Variants in CADPS observed in about 807,000 individuals in gnomAD.
CADPS encodes the protein calcium-dependent secretion activator 1.
A neutral mutation model predicts 167.3 loss-of-function variants in CADPS; 57 were observed. That is an observed-to-expected ratio of 0.34 (90% CI 0.28 to 0.42). CADPS has a LOEUF of 0.42. Ranked by LOEUF, CADPS falls within the 20% of genes least tolerant of loss-of-function variation. The pLI is 1.00. For synonymous variants in CADPS, 676 were observed against 635.3 expected, an observed-to-expected ratio of 1.06 and a Z score of -0.96; for missense variants, 1,414 against 1,738.1, an observed-to-expected ratio of 0.81 and a Z score of 3.32.
intron 3 of CADPS, among the ~76,000 whole-genome samples, chr3:62,738,563 A>C (rs548058234): frequency 3.4e-4 from 52 of 152,116 alleles, no homozygotes; most frequent in African/African-American, 1.3e-3. Context: ...GTCTCTACTA[A>C]AAGTACAAAA....
chr3:62,499,299 G>A lies in CADPS; in HGVS notation c.2600-31C>T, dbSNP rs746056786. On this transcript the variant is annotated intron_variant, in intron 17 of 29. Coordinates refer to ENST00000383710, the MANE Select transcript of CADPS (RefSeq NM_003716.4). ...GTACAAGAGTTTGTGTTAAAATTCA[G>A]CGAAAGTGGCAGGCTACTTTTATGG... The A allele has an allele frequency of 9.1e-6, 13 of 1,429,472 alleles. No homozygotes were observed. The Admixed American group carries it at 1.7e-4, about 18-fold the overall frequency. 88.5% of individuals were successfully genotyped at this position (1,429,472 alleles called of 1,614,324 possible).
At chr3:62,870,719 AGAAT>A (rs1385575378) in intron 1 of CADPS, among the ~76,000 whole-genome samples, 1 of 152,200 alleles carries the variant, frequency 6.6e-6, no homozygotes, top group African/African-American at 2.4e-5. Flanking sequence ...TTAAACTATT[AGAAT>A]AATTCCTACA....
intron 3 of CADPS, among the ~76,000 whole-genome samples, chr3:62,670,394 T>C (rs1440144781): frequency 6.6e-6 from 1 of 152,198 alleles, no homozygotes; most frequent in Non-Finnish European, 1.5e-5. Flanking sequence ...AAGGAGATGA[T>C]ACTACCTAAT....
At chr3:62,557,380 C>T (rs375468368) in intron 10 of CADPS, 25 bp downstream of exon 10, 15 of 1,519,352 alleles carry the variant, frequency 9.9e-6, no homozygotes, top group Admixed American at 5.0e-5. Flanking sequence ...TTTGTGGGCT[C>T]GTGGCCTTGA....
intron 1 of CADPS, among the ~76,000 whole-genome samples, chr3:62,856,477 A>C (rs1577408912): frequency 6.6e-6 from 1 of 152,258 alleles, no homozygotes; most frequent in East Asian, 1.9e-4. Context: ...TTTTATTTTA[A>C]AACTGATAAA....
intron 3 of CADPS, among the ~76,000 whole-genome samples, chr3:62,750,203 T>C (rs2082382321): frequency 6.6e-6 from 1 of 151,402 alleles, no homozygotes; most frequent in Admixed American, 6.6e-5. Context: ...ATACAAAAAT[T>C]AGCCAGGCAT....
At chr3:62,418,806 C>G (rs995812216) in intron 28 of CADPS, among the ~76,000 whole-genome samples, 10 of 152,070 alleles carry the variant, frequency 6.6e-5, no homozygotes, top group Non-Finnish European at 1.0e-4. Flanking sequence ...CAAGGCCCTC[C>G]TGCCTTGAAA....
rs1427532453 is a variant in CADPS at position 62,544,919 on chromosome 3, C to T, written c.1966+4984G>A. 5.6e-6 allele frequency: 6 copies of T among 1,080,466 alleles called. No individual in the cohort carries two copies. The highest frequency in any genetic ancestry group is 7.1e-6 in the Non-Finnish European group (6 of 849,366). 66.9% of individuals were successfully genotyped at this position (1,080,466 alleles called of 1,614,324 possible). A position where few individuals can be genotyped will look rare whatever the true frequency, so the allele number is the denominator to read the frequency against. On this transcript the variant is annotated intron_variant, in intron 11 of 29. Coordinates refer to ENST00000383710, the MANE Select transcript of CADPS (RefSeq NM_003716.4). The surrounding 1 kb of genome is among the most constrained non-coding windows in gnomAD (Gnocchi z 4.4). ...AATAACATAAAGACTAGCAACAAGGCTCAGGAAAGCAGACAGGAGTTCTAA... is the reference window on the plus strand; with the variant it reads ...AATAACATAAAGACTAGCAACAAGGTTCAGGAAAGCAGACAGGAGTTCTAA...
chr3:62,501,667 C>A (rs1260967656), intron 17 of CADPS, among the ~76,000 whole-genome samples: 10 of 152,054 alleles, frequency 6.6e-5, no homozygotes, highest in Admixed American at 6.6e-4. Flanking sequence ...AAACACTCCC[C>A]AAATCTAGGG....
chr3:62,874,657 C>A lies in CADPS; in HGVS notation c.373G>T (p.Val125Leu), dbSNP rs142784700. 1.9e-6 allele frequency: 3 copies of A among 1,558,928 alleles called. No homozygotes were observed. The highest frequency in any genetic ancestry group is 2.6e-6 in the Non-Finnish European group (3 of 1,150,692). ...AAGGGGTAGGCGATGCAGCGCATCACGAACACATACAGCTGCAGCCTCTTC... is the reference window on the plus strand; with the variant it reads ...AAGGGGTAGGCGATGCAGCGCATCAAGAACACATACAGCTGCAGCCTCTTC... ...RKKRLQLYVFVMRCIAYPFNA... is the reference protein window; with the variant it reads ...RKKRLQLYVFLMRCIAYPFNA... Residue 125 changes from valine to leucine, a missense_variant, in exon 1 of 30, where the codon GTG becomes TTG. Val to Leu is a conservative substitution (Grantham distance 32). Around this residue, in one of 6 missense-constraint regions of CADPS, gnomAD observed 522 missense variants for 559.5 expected, o/e 0.93. Transcript: ENST00000383710. This position sits in a 1 kb window ranked among gnomAD's most constrained non-coding sequence, Gnocchi z 7.1.
chr3:62,485,353 C>A (rs2062652684), intron 21 of CADPS, among the ~76,000 whole-genome samples: 2 of 152,172 alleles, frequency 1.3e-5, no homozygotes, highest in South Asian at 4.1e-4. Flanking sequence ...GCTCTCCCTC[C>A]CTTGTATTTC....
chr3:62,588,741 A>G (rs143566495), intron 7 of CADPS, among the ~76,000 whole-genome samples: 5 of 152,368 alleles, frequency 3.3e-5, no homozygotes, highest in Non-Finnish European at 5.9e-5. Flanking sequence ...AATAAAATAT[A>G]TCTACATAAT....
At chr3:62,857,260 G>A (rs1009209841) in intron 1 of CADPS, among the ~76,000 whole-genome samples, 3 of 152,056 alleles carry the variant, frequency 2.0e-5, no homozygotes, top group African/African-American at 7.2e-5. Context: ...AGTTGGCAAA[G>A]CAGAAAATAA....
At chr3:62,487,196 G>A (rs535984340) in intron 21 of CADPS, among the ~76,000 whole-genome samples, 4 of 152,326 alleles carry the variant, frequency 2.6e-5, no homozygotes, top group Admixed American at 2.6e-4. Context: ...TAAAGATTGA[G>A]TGACCATCTG....
intron 3 of CADPS, among the ~76,000 whole-genome samples, chr3:62,678,242 G>T (rs562222071): frequency 2.0e-5 from 3 of 152,150 alleles, no homozygotes; most frequent in Non-Finnish European, 2.9e-5. Flanking sequence ...AATAAGAGAT[G>T]CAGAAAATCT....
chr3:62,752,339 G>A (rs149385774), intron 3 of CADPS, among the ~76,000 whole-genome samples: 30 of 152,270 alleles, frequency 2.0e-4, no homozygotes, highest in African/African-American at 7.0e-4. Context: ...TGTAATCAAT[G>A]TTTTCAATTA....
At position 62,636,525 on chromosome 3, in the gene CADPS, AC is replaced by A; in HGVS notation, c.1325+9196del. On this transcript the variant is annotated intron_variant, in intron 6 of 29. Transcript: ENST00000383710. ...ACACCAGAGCTCTAGAAATTTCCAA[AC>A]CCCCTGATAATTGGCATCATGCCAA... Among the ~76,000 whole-genome samples the A allele has an allele frequency of 1.3e-5, 2 of 152,008 alleles. 1 individual carries two copies. The highest frequency in any genetic ancestry group is 4.8e-5 in the African/African-American group (2 of 41,462).
At chr3:62,464,942 C>G (rs780515308) in intron 26 of CADPS, among the ~76,000 whole-genome samples, 25 of 152,238 alleles carry the variant, frequency 1.6e-4, no homozygotes, top group Admixed American at 3.3e-4. Flanking sequence ...GAAGAACATA[C>G]TTGACACAGT....
At chr3:62,468,409 T>G (rs2060191943) in intron 24 of CADPS, among the ~76,000 whole-genome samples, 1 of 152,140 alleles carries the variant, frequency 6.6e-6, no homozygotes, top group Non-Finnish European at 1.5e-5. Flanking sequence ...AGAACATCAT[T>G]GAGAAACAAA....
Sources: gnomAD v4.1 joint callset for allele counts (sites outside exome capture counted in the v4.1 genomes callset) on GRCh38, gnomAD v4.1.1 for gene constraint, gnomAD v4.1.1 regional missense constraint, Gnocchi (gnomAD v3.1) non-coding constraint, MANE v1.5 for transcripts, NCBI Gene and HGNC (gene_info 2026-07-23, HGNC 2026-07-21) for gene names.